Variants in GPRC6A observed in about 807,000 individuals in gnomAD.
GPRC6A encodes the protein G protein-coupled receptor class C group 6 member A, also known as G protein-coupled receptor family C group 6 member A.
GPRC6A carries 54 observed loss-of-function variants against 47.0 expected under a neutral mutation model. The ratio of observed to expected loss-of-function variants is 1.15; its 90% confidence interval spans 0.92 to 1.44. The LOEUF is 1.44. Ranked by LOEUF, GPRC6A falls within the 40% of genes most tolerant of loss-of-function variation. GPRC6A has a pLI of 0.00. For missense variants in GPRC6A, 1,112 were observed against 1,105.5 expected (o/e 1.01, Z -0.08); for synonymous variants, 347 against 377.1 (o/e 0.92, Z 0.93).
chr6:116,817,373 A>C (rs1185519511), intron 1 of GPRC6A, among the ~76,000 whole-genome samples: 1 of 151,354 alleles, frequency 6.6e-6, no homozygotes, highest in East Asian at 1.9e-4. Flanking sequence ...CATCCACACC[A>C]AAAACCCATC....
intron 5 of GPRC6A, among the ~76,000 whole-genome samples, chr6:116,795,010 AAAC>A (rs1175503002): frequency 6.6e-6 from 1 of 152,178 alleles, no homozygotes; most frequent in Non-Finnish European, 1.5e-5. Context: ...ATGCTCTAAT[AAAC>A]AACAACATCT....
chr6:116,812,249 C>T (rs192943251), intron 1 of GPRC6A, among the ~76,000 whole-genome samples: 3 of 152,170 alleles, frequency 2.0e-5, no homozygotes, highest in Admixed American at 1.3e-4. Flanking sequence ...ACCCTGCCAG[C>T]CAAGGATACT....
At chr6:116,819,985 G>A (rs1295532369) in intron 1 of GPRC6A, among the ~76,000 whole-genome samples, 1 of 150,302 alleles carries the variant, frequency 6.7e-6, no homozygotes, top group East Asian at 1.9e-4. Context: ...GAAAAAAAGA[G>A]AGAAGAATCA....
chr6:116,800,854 T>A, intron 3 of GPRC6A, 58 bp from the exon 4 acceptor site: 1 of 997,640 alleles, frequency 1.0e-6, no homozygotes, highest in Non-Finnish European at 1.6e-6. Flanking sequence ...ATGTATCCAT[T>A]ATTCTAATGA....
chr6:116,828,881 G>C lies in GPRC6A; in HGVS notation c.133C>G (p.His45Asp). 2 of 1,613,136 alleles carry C rather than the reference G, an allele frequency of 1.2e-6. No homozygotes were observed. The highest frequency in any genetic ancestry group is 1.7e-6 in the Non-Finnish European group (2 of 1,179,430). ...HIIIGGLFAI[H>D]EKMLSSEDSP... ...TCTTCTGAGGACAACATTTTTTCAT[G>C]AATAGCAAACAAACCTCCAATTATG... is the stretch of plus-strand genomic sequence containing the variant. The change falls in exon 1 of 6, where the codon CAT becomes GAT. Residue 45 changes from histidine to aspartate, a missense_variant. Physicochemically the swap from His to Asp is moderately conservative, Grantham distance 81. Coordinates refer to ENST00000310357, the MANE Select transcript of GPRC6A (RefSeq NM_148963.4).
chr6:116,799,703 C>T (rs1381175716), intron 4 of GPRC6A, among the ~76,000 whole-genome samples: 1 of 152,002 alleles, frequency 6.6e-6, no homozygotes, highest in Non-Finnish European at 1.5e-5. Flanking sequence ...GGGGGAACAA[C>T]AAAGGTTCTT....
At chr6:116,802,908 G>A (rs1772722868) in intron 3 of GPRC6A, among the ~76,000 whole-genome samples, 1 of 152,076 alleles carries the variant, frequency 6.6e-6, no homozygotes. Context: ...AGAACCATAT[G>A]TTTTAAAAAT....
chr6:116,807,700 GC>G (rs1023503032), intron 2 of GPRC6A, among the ~76,000 whole-genome samples: 1 of 152,102 alleles, frequency 6.6e-6, no homozygotes, highest in African/African-American at 2.4e-5. Context: ...AATATTTTAA[GC>G]TTTTTGGTCA....
chr6:116,821,800 G>A (rs1381527204), intron 1 of GPRC6A, among the ~76,000 whole-genome samples: 2 of 151,336 alleles, frequency 1.3e-5, no homozygotes, highest in Non-Finnish European at 3.0e-5. Context: ...ATAGGCATGG[G>A]CAAGGACTTC....
At chr6:116,804,927 TGTG>T (rs1009201090) in intron 3 of GPRC6A, among the ~76,000 whole-genome samples, 30 of 152,030 alleles carry the variant, frequency 2.0e-4, no homozygotes, top group Admixed American at 3.9e-4. Context: ...TAAAATTCTA[TGTG>T]GTGGTATTAT....
intron 1 of GPRC6A, among the ~76,000 whole-genome samples, chr6:116,812,567 A>G (rs1033263852): frequency 1.3e-5 from 2 of 152,204 alleles, no homozygotes; most frequent in African/African-American, 2.4e-5. Context: ...CATGACAGGA[A>G]CAAAGCCTCA....
intron 1 of GPRC6A, among the ~76,000 whole-genome samples, chr6:116,825,756 A>G (rs1411024628): frequency 6.6e-6 from 1 of 151,998 alleles, no homozygotes; most frequent in African/African-American, 2.4e-5. Context: ...CAGAATAGCC[A>G]CAGCACTCCT....
intron 5 of GPRC6A, among the ~76,000 whole-genome samples, chr6:116,794,013 G>A (rs1023722377): frequency 1.3e-5 from 2 of 152,162 alleles, no homozygotes; most frequent in African/African-American, 2.4e-5. Flanking sequence ...ACTTTGAAAA[G>A]TATTTATGCT....
rs1205933637 is a variant in GPRC6A, at chr6:116,828,940, T to C, written c.74A>G (p.Asp25Gly). ...LATSQPCQTPDDFVAATSPGH... is the reference protein window; with the variant it reads ...LATSQPCQTPGDFVAATSPGH... The stretch of plus-strand genomic sequence containing the variant: ...CGGAGAAGTGGCAGCCACAAAGTCA[T>C]CAGGGGTCTGGCAAGGCTGTGAAGT... Residue 25 changes from aspartate to glycine, a missense_variant, in exon 1 of 6, where the codon GAT becomes GGT. By Grantham distance (94) the Asp-to-Gly change is moderately conservative (BLOSUM62 -1). Coordinates refer to ENST00000310357, the MANE Select transcript of GPRC6A (RefSeq NM_148963.4). 3.1e-6 allele frequency: 5 copies of C among 1,613,282 alleles called. No individual in the cohort carries two copies. Among genetic ancestry groups the C allele is most frequent in the Non-Finnish European group, 3.4e-6 (4 of 1,179,602 alleles).
intron 4 of GPRC6A, among the ~76,000 whole-genome samples, chr6:116,797,057 C>T (rs1226107061): frequency 6.6e-6 from 1 of 151,818 alleles, no homozygotes; most frequent in African/African-American, 2.4e-5. Context: ...CAACAGTCCC[C>T]AGAGTGTGAT....
chr6:116,801,717 T>C (rs1426045691), intron 3 of GPRC6A, among the ~76,000 whole-genome samples: 1 of 152,222 alleles, frequency 6.6e-6, no homozygotes, highest in African/African-American at 2.4e-5. Context: ...TTAGCTATGA[T>C]GGTAACATCA....
chr6:116,816,004 G>A (rs1211185117), intron 1 of GPRC6A, among the ~76,000 whole-genome samples: 1 of 152,212 alleles, frequency 6.6e-6, no homozygotes, highest in Non-Finnish European at 1.5e-5. Context: ...CAAGGTGGAA[G>A]GCAAAGGGGG....
intron 1 of GPRC6A, among the ~76,000 whole-genome samples, chr6:116,828,376 G>C (rs1274416816): frequency 6.8e-6 from 1 of 147,366 alleles, no homozygotes; most frequent in Non-Finnish European, 1.5e-5. Flanking sequence ...GGAATGAAAT[G>C]AATGCAGTGT....
intron 1 of GPRC6A, among the ~76,000 whole-genome samples, chr6:116,824,919 A>G (rs1240079688): frequency 6.6e-6 from 1 of 152,112 alleles, no homozygotes; most frequent in Non-Finnish European, 1.5e-5. Context: ...TCAACCATGC[A>G]AGGATAGTTT....
Sources: allele counts gnomAD v4.1 joint callset (sites outside exome capture counted in the v4.1 genomes callset), GRCh38; gene constraint gnomAD v4.1.1; transcripts MANE v1.5; gene names NCBI Gene and HGNC (gene_info 2026-07-23, HGNC 2026-07-21).